Variants in SNX14 observed in about 807,000 individuals in gnomAD.
SNX14 encodes sorting nexin-14.
A neutral mutation model predicts 133.8 loss-of-function variants in SNX14; 93 were observed. The ratio of observed to expected loss-of-function variants is 0.70; its 90% CI spans 0.59 to 0.83. The LOEUF is 0.83. Ranked by LOEUF, SNX14 falls within the 40% of genes least tolerant of loss-of-function variation. The pLI, the probability that SNX14 is intolerant of heterozygous loss-of-function variation, is 0.00. For missense variants in SNX14, 945 were observed against 1,094.9 expected, an observed-to-expected ratio of 0.86 and a Z score of 1.93; for synonymous variants, 368 against 365.6, an observed-to-expected ratio of 1.01 and a Z score of -0.07.
intron 3 of SNX14, 41 bp from the exon 4 acceptor site, chr6:85,572,256 T>C: frequency 3.1e-6 from 5 of 1,610,564 alleles, no homozygotes; most frequent in Non-Finnish European, 4.2e-6. Flanking sequence ...GAAATCCAAA[T>C]GTAATTAGAA....
At chr6:85,590,843 C>G (rs758751615) in intron 1 of SNX14, among the ~76,000 whole-genome samples, 1 of 152,204 alleles carries the variant, frequency 6.6e-6, no homozygotes, top group African/African-American at 2.4e-5. Context: ...GCTGCAGCAA[C>G]AGCTTCATGA....
intron 26 of SNX14, among the ~76,000 whole-genome samples, chr6:85,510,801 A>G (rs1411417554): frequency 6.6e-6 from 1 of 152,188 alleles, no homozygotes; most frequent in Admixed American, 6.5e-5. Flanking sequence ...TTCTTTTGCT[A>G]ATATCACACT....
intron 1 of SNX14, among the ~76,000 whole-genome samples, chr6:85,587,451 T>G (rs1364438641): frequency 6.6e-6 from 1 of 151,926 alleles, no homozygotes; most frequent in African/African-American, 2.4e-5. Context: ...ACATGGAAAA[T>G]CTATATAAAA....
At chr6:85,542,335 C>T (rs1562278672) in intron 14 of SNX14, among the ~76,000 whole-genome samples, 1 of 152,202 alleles carries the variant, frequency 6.6e-6, no homozygotes, top group Non-Finnish European at 1.5e-5. Flanking sequence ...TATCTACTTA[C>T]ACAAATATAA....
intron 21 of SNX14, among the ~76,000 whole-genome samples, chr6:85,520,744 T>C (rs554384640): frequency 3.9e-5 from 6 of 152,324 alleles, no homozygotes; most frequent in African/African-American, 1.4e-4. Flanking sequence ...AGACTGTATA[T>C]ATTCTTTCAT....
chr6:85,506,190 G>A (rs942981469), intron 28 of SNX14, among the ~76,000 whole-genome samples, 185 bp from the exon 29 acceptor site: 1 of 152,160 alleles, frequency 6.6e-6, no homozygotes, highest in Non-Finnish European at 1.5e-5. Context: ...AACGTTTAAT[G>A]ACAGCTCTGT....
chr6:85,548,455 G>A (rs982568278), intron 8 of SNX14, 79 bp from the exon 9 acceptor site: 87 of 1,079,096 alleles, frequency 8.1e-5, no homozygotes, highest in Middle Eastern at 3.0e-4. Context: ...TGTGAATTAC[G>A]TAAGGATCTT....
chr6:85,523,606 T>C (rs1023532576), intron 21 of SNX14, among the ~76,000 whole-genome samples: 3 of 152,060 alleles, frequency 2.0e-5, no homozygotes, highest in Admixed American at 1.3e-4. Flanking sequence ...ACCCCATCTC[T>C]ACTAAAAATA....
intron 7 of SNX14, among the ~76,000 whole-genome samples, chr6:85,554,489 C>T (rs1408926507): frequency 2.0e-5 from 3 of 151,860 alleles, no homozygotes; most frequent in Admixed American, 2.0e-4. Context: ...ACATGTAGAG[C>T]CAAAGAACTT....
At chr6:85,561,422 T>C (rs1405842391) in intron 6 of SNX14, 1 of 152,180 alleles carries the variant, frequency 6.6e-6, no homozygotes, top group Non-Finnish European at 1.5e-5. Context: ...TAGCTAACCG[T>C]AATATGGCAA....
chr6:85,566,506 T>G (rs1439299681), intron 5 of SNX14, among the ~76,000 whole-genome samples: 1 of 152,038 alleles, frequency 6.6e-6, no homozygotes, highest in East Asian at 1.9e-4. Context: ...GAGACCAGCC[T>G]GACCAACATG....
intron 17 of SNX14, among the ~76,000 whole-genome samples, chr6:85,535,093 A>C (rs1781505345): frequency 6.6e-6 from 1 of 151,214 alleles, no homozygotes; most frequent in Admixed American, 6.6e-5. Flanking sequence ...CAGTGACACA[A>C]ACATGGCTCA....
At chr6:85,566,228 G>A (rs566581237) in intron 5 of SNX14, among the ~76,000 whole-genome samples, 2 of 152,276 alleles carry the variant, frequency 1.3e-5, no homozygotes, top group Admixed American at 1.3e-4. Flanking sequence ...TTCACAAAAG[G>A]ATTCATTTTA....
intron 26 of SNX14, among the ~76,000 whole-genome samples, chr6:85,513,193 G>A (rs1301879262): frequency 6.6e-6 from 1 of 152,062 alleles, no homozygotes; most frequent in Non-Finnish European, 1.5e-5. Context: ...TTTCTTCCTT[G>A]TTATTTCCCG....
chr6:85,582,761 G>A (rs1445646385), intron 1 of SNX14, among the ~76,000 whole-genome samples: 1 of 152,136 alleles, frequency 6.6e-6, no homozygotes, highest in Non-Finnish European at 1.5e-5. Context: ...AACAAGTTCT[G>A]AAATTGAGGC....
chr6:85,506,055 T>C, intron 28 of SNX14, 50 bp from the exon 29 acceptor site: 1 of 1,231,844 alleles, frequency 8.1e-7, no homozygotes, highest in Non-Finnish European at 1.2e-6. Flanking sequence ...CAGGTTCATT[T>C]GTAAATTGCC....
At chr6:85,542,543 C>T (rs563311909) in intron 14 of SNX14, among the ~76,000 whole-genome samples, 2 of 151,708 alleles carry the variant, frequency 1.3e-5, no homozygotes, top group Admixed American at 6.6e-5. Flanking sequence ...TACAGGTGCC[C>T]GCCACCACGC....
intron 21 of SNX14, among the ~76,000 whole-genome samples, chr6:85,520,560 G>A (rs906975415): frequency 3.3e-5 from 5 of 151,494 alleles, no homozygotes; most frequent in African/African-American, 1.2e-4. Context: ...GTTTCACCAT[G>A]TTGCTCACAC....
At chr6:85,578,240 AACACC>A (rs1162469534) in intron 1 of SNX14, among the ~76,000 whole-genome samples, 9 of 152,248 alleles carry the variant, frequency 5.9e-5, no homozygotes, top group Non-Finnish European at 1.3e-4. Flanking sequence ...TCTCTTTCCC[AACACC>A]ACACAGGATG....
Sources: gnomAD v4.1 joint callset for allele counts (sites outside exome capture counted in the v4.1 genomes callset) on GRCh38, gnomAD v4.1.1 for gene constraint, MANE v1.5 for transcripts, NCBI Gene and HGNC (gene_info 2026-07-23, HGNC 2026-07-21) for gene names.